The following ZNF215 variants were observed in gnomAD, a reference collection of about 807,000 sequenced individuals.
ZNF215 encodes BWSCR2-associated zinc finger protein 2.
A neutral mutation model predicts 27.2 loss-of-function variants in ZNF215; 24 were observed. The ratio of observed to expected loss-of-function variants is 0.88; its 90% CI spans 0.64 to 1.24. ZNF215 has a LOEUF of 1.24. Ranked by LOEUF, ZNF215 falls within the 50% of genes most tolerant of loss-of-function variation. The probability of loss-of-function intolerance (pLI) is 0.00; values close to 1 mark genes in which losing one functional copy is unlikely to be tolerated. For synonymous variants in ZNF215, 210 were observed against 204.0 expected (o/e 1.03, Z -0.25); for missense variants, 675 against 605.7 (o/e 1.11, Z -1.20).
intron 5 of ZNF215, among the ~76,000 whole-genome samples, chr11:6,983,504 C>T (rs1851003329): frequency 6.6e-6 from 1 of 152,084 alleles, no homozygotes; most frequent in Admixed American, 6.6e-5. Flanking sequence ...ATGCAAAAAT[C>T]CTCAATAAAA....
At chr11:6,983,781 G>A (rs899692557) in intron 5 of ZNF215, among the ~76,000 whole-genome samples, 12 of 152,026 alleles carry the variant, frequency 7.9e-5, no homozygotes, top group African/African-American at 2.9e-4. Context: ...GGCAAAGGAA[G>A]TGCTAATATC....
At chr11:6,974,467 T>C (rs553363325) in intron 5 of ZNF215, among the ~76,000 whole-genome samples, 1 of 152,326 alleles carries the variant, frequency 6.6e-6, no homozygotes, top group Non-Finnish European at 1.5e-5. Flanking sequence ...TGGCATTGAA[T>C]CTATAAATTA....
intron 6 of ZNF215, among the ~76,000 whole-genome samples, chr11:6,944,219 T>C (rs1849736474): frequency 6.6e-6 from 1 of 151,910 alleles, no homozygotes; most frequent in African/African-American, 2.4e-5. Flanking sequence ...GAGCTTGCAG[T>C]GAGCCAAGAT....
chr11:6,947,079 T>G (rs927051694), intron 6 of ZNF215, among the ~76,000 whole-genome samples: 18 of 152,318 alleles, frequency 1.2e-4, no homozygotes, highest in African/African-American at 4.1e-4. Context: ...TTTTTAAAAT[T>G]TATGTAACTC....
chr11:6,952,310 AT>A (rs1039432786), intron 6 of ZNF215, among the ~76,000 whole-genome samples: 1 of 152,078 alleles, frequency 6.6e-6, no homozygotes, highest in Admixed American at 6.5e-5. Context: ...TGTCTTGTTG[AT>A]CTATCTAATG....
chr11:6,928,444 G>T (rs1474248941), intron 2 of ZNF215, among the ~76,000 whole-genome samples: 1 of 152,054 alleles, frequency 6.6e-6, no homozygotes, highest in Non-Finnish European at 1.5e-5. Context: ...ATTTCATTAT[G>T]AGTTATAATC....
At chr11:6,990,606 A>G (rs1205361885), downstream of ZNF215, among the ~76,000 whole-genome samples, 3 of 152,212 alleles carry the variant, frequency 2.0e-5, no homozygotes, top group Admixed American at 6.5e-5. Context: ...TGTATTATCT[A>G]TGTTTTAAAG....
Position 6,943,043 on chromosome 11 carries a change from G to A in ZNF215, c.484-40G>A, listed in dbSNP as rs370577679. ...CATTCCTTCTCTGGTAGTGTTTTGG[G>A]GAGTGACACCTTTGATTAAAAAGGA... On this transcript the variant is annotated intron_variant, in intron 4 of 6. Coordinates refer to ENST00000278319, the MANE Select transcript of ZNF215 (RefSeq NM_013250.4). The A allele has an allele frequency of 1.5e-5, 24 of 1,594,954 alleles. No individual in the cohort carries two copies. The African/African-American group carries it at 3.1e-4, about 21-fold the overall frequency.
chr11:6,964,076 C>A (rs1459722256), intron 5 of ZNF215, among the ~76,000 whole-genome samples: 3 of 151,898 alleles, frequency 2.0e-5, no homozygotes, highest in Non-Finnish European at 4.4e-5. Context: ...TTCTGAATGA[C>A]TATATTTTCA....
chr11:6,980,783 C>CA (rs1480835849), intron 5 of ZNF215, among the ~76,000 whole-genome samples: 1 of 132,550 alleles, frequency 7.5e-6, no homozygotes, highest in Non-Finnish European at 1.6e-5. Context: ...CAACAGTCCC[C>CA]AGAGTGTGAT....
chr11:6,935,345 C>T (rs1355059543), intron 3 of ZNF215, among the ~76,000 whole-genome samples: 1 of 152,142 alleles, frequency 6.6e-6, no homozygotes, highest in African/African-American at 2.4e-5. Context: ...TGAGTGTGCC[C>T]TAATACACAC....
chr11:6,953,713 C>A (rs1358713159), intron 6 of ZNF215, among the ~76,000 whole-genome samples: 1 of 152,224 alleles, frequency 6.6e-6, no homozygotes, highest in Non-Finnish European at 1.5e-5. Context: ...GTTTGATCAT[C>A]TGAAGCCTTC....
In ZNF215 at chr11:6,956,154, T is replaced by C. The variant is rs772360682; in HGVS notation, c.1177T>C (p.Ser393Pro). The part of the protein sequence containing the change: ...QCGKAFCRSS[S>P]LIRHQIIHTG... Reference sequence around the variant, plus strand: ...TGGGAAAGCCTTCTGCCGAAGTTCATCCCTTATTCGACATCAGATCATTCA... The same window carrying C: ...TGGGAAAGCCTTCTGCCGAAGTTCACCCCTTATTCGACATCAGATCATTCA... Residue 393 changes from serine to proline, a missense_variant, in exon 7 of 7, where the codon TCC becomes CCC. Physicochemically the swap from Ser to Pro is moderately conservative, Grantham distance 74. Transcript: ENST00000278319. 6.2e-7 allele frequency: 1 copy of C among 1,613,784 alleles called. No individual in the cohort carries two copies. The highest frequency in any genetic ancestry group is 1.1e-5 in the South Asian group (1 of 90,964).
intron 5 of ZNF215, among the ~76,000 whole-genome samples, chr11:6,978,448 A>G (rs1850879261): frequency 6.6e-6 from 1 of 152,034 alleles, no homozygotes; most frequent in South Asian, 2.1e-4. Context: ...AAGCTCAGTG[A>G]ATATACATTT....
chr11:6,953,648 C>G (rs935046643), intron 6 of ZNF215, among the ~76,000 whole-genome samples: 2 of 152,136 alleles, frequency 1.3e-5, no homozygotes, highest in African/African-American at 2.4e-5. Context: ...AAAATTTTTT[C>G]AAAGTTTTCA....
intron 5 of ZNF215, among the ~76,000 whole-genome samples, chr11:6,974,073 A>C (rs1338094557): frequency 6.6e-6 from 1 of 152,130 alleles, no homozygotes; most frequent in Non-Finnish European, 1.5e-5. Flanking sequence ...ATTTTTGTAT[A>C]AGGTGTAAGG....
downstream of ZNF215, chr11:6,988,238 G>T: frequency 1.0e-6 from 1 of 985,546 alleles, no homozygotes; most frequent in Non-Finnish European, 1.2e-6. Flanking sequence ...GAAGGAAGCA[G>T]AATGAGGGGC....
intron 5 of ZNF215, among the ~76,000 whole-genome samples, chr11:6,980,165 T>G (rs1005773851): frequency 5.9e-5 from 9 of 152,086 alleles, no homozygotes; most frequent in African/African-American, 2.2e-4. Context: ...GTATGCCTTT[T>G]GTGTTTGTTA....
rs774320620 is a variant in ZNF215 at position 6,943,067 on chromosome 11, G to A, written c.484-16G>A. 1.2e-6 allele frequency: 2 copies of A among 1,606,934 alleles called. No individual in the cohort carries two copies. Among genetic ancestry groups the A allele is most frequent in the South Asian group, 2.2e-5 (2 of 89,452 alleles). On this transcript the variant is annotated splice_polypyrimidine_tract_variant and intron_variant, in intron 4 of 6. Coordinates refer to ENST00000278319, the MANE Select transcript of ZNF215 (RefSeq NM_013250.4). ...GGGAGTGACACCTTTGATTAAAAAG[G>A]AACTTAATGTTTTAGGAACCAGTGA...
Sources: gnomAD v4.1 joint callset for allele counts (sites outside exome capture counted in the v4.1 genomes callset) on GRCh38, gnomAD v4.1.1 for gene constraint, MANE v1.5 for transcripts, NCBI Gene and HGNC (gene_info 2026-07-23, HGNC 2026-07-21) for gene names.